Variants in HSP90AA1 observed in about 807,000 individuals in gnomAD.
The protein encoded by HSP90AA1 is heat shock protein 90 alpha family class A member 1, also known as heat shock protein HSP 90-alpha.
In HSP90AA1, 18 loss-of-function variants were observed where a neutral mutation model predicts 73.3. The ratio of observed to expected loss-of-function variants is 0.25; its 90% CI spans 0.17 to 0.36. HSP90AA1 has a LOEUF of 0.36. Among genes scored for constraint, HSP90AA1 ranks in the 10% least tolerant of loss-of-function variants. The probability of loss-of-function intolerance (pLI) is 1.00; values close to 1 mark genes in which losing one functional copy is unlikely to be tolerated. For missense variants in HSP90AA1, 704 were observed against 874.2 expected (o/e 0.81, Z 2.45); for synonymous variants, 477 against 296.9 (o/e 1.61, Z -6.24).
intron 1 of HSP90AA1, among the ~76,000 whole-genome samples, chr14:102,135,487 C>T (rs2049977938): frequency 6.6e-6 from 1 of 152,284 alleles, no homozygotes; most frequent in Non-Finnish European, 1.5e-5. Context: ...GTGGAGCTGC[C>T]TGCCAGTCCT....
chr14:102,084,013 G>GTCAT, intron 6 of HSP90AA1, 30 bp from the exon 7 acceptor site: 1 of 1,533,192 alleles, frequency 6.5e-7, no homozygotes, highest in Non-Finnish European at 9.0e-7. Flanking sequence ...AATGCACTGA[G>GTCAT]TCATTCCAAG....
chr14:102,114,725 G>T lies in HSP90AA1; in HGVS notation c.156-12640C>A, dbSNP rs187749482. Among the ~76,000 whole-genome samples the T allele has an allele frequency of 7.2e-5, 11 of 152,170 alleles. No homozygotes were observed. The East Asian group carries it at 2.1e-3, about 29-fold the overall frequency. ...GTATAGAAATTCTTTGTTTTAGGCC[G>T]GACCCGGTTGCTGACTGTAATCCCG... is the stretch of plus-strand genomic sequence containing the variant. On this transcript the variant is annotated intron_variant, in intron 1 of 11. Transcript: ENST00000334701.
intron 1 of HSP90AA1, among the ~76,000 whole-genome samples, chr14:102,104,876 C>T (rs905960224): frequency 2.6e-5 from 4 of 151,694 alleles, no homozygotes; most frequent in Non-Finnish European, 4.4e-5. Context: ...TAATGACCTC[C>T]CATCTATCCA....
At chr14:102,086,563 G>C (rs921178002) in intron 1 of HSP90AA1, among the ~76,000 whole-genome samples, 185 bp from the exon 2 acceptor site, 1 of 152,076 alleles carries the variant, frequency 6.6e-6, no homozygotes, top group Non-Finnish European at 1.5e-5. Context: ...TACCACGAGC[G>C]TGTGCGCGCT....
chr14:102,091,100 C>T (rs2049352014), upstream of HSP90AA1, among the ~76,000 whole-genome samples: 1 of 152,184 alleles, frequency 6.6e-6, no homozygotes. Flanking sequence ...AGGTGATAGC[C>T]TACCCCATAG....
In HSP90AA1 at chr14:102,133,109, A is replaced by G. The variant is rs547844492; in HGVS notation, c.155+6141T>C. On this transcript the variant is annotated intron_variant, in intron 1 of 11. Transcript: ENST00000334701. ...AGCCTGGCCAACATGGTGAAACCCCATCTCTACTAAAAACACAAAAATTAG... is the reference window on the plus strand; with the variant it reads ...AGCCTGGCCAACATGGTGAAACCCCGTCTCTACTAAAAACACAAAAATTAG... Among the ~76,000 whole-genome samples the G allele has an allele frequency of 5.9e-5, 9 of 151,690 alleles. No homozygotes were observed. In the East Asian group the frequency reaches 1.4e-3, roughly 23 times the overall value.
chr14:102,131,921 A>G (rs1184996363), intron 1 of HSP90AA1, among the ~76,000 whole-genome samples: 1 of 152,206 alleles, frequency 6.6e-6, no homozygotes, highest in Admixed American at 6.5e-5. Flanking sequence ...ACAACAATGT[A>G]GCATATGTAG....
chr14:102,126,987 C>T (rs1306328736), intron 1 of HSP90AA1, among the ~76,000 whole-genome samples: 3 of 151,798 alleles, frequency 2.0e-5, no homozygotes, highest in Admixed American at 1.3e-4. Context: ...TTACTGGCTG[C>T]TTCTCAAAAG....
At chr14:102,089,190 G>A (rs964564006), upstream of HSP90AA1, among the ~76,000 whole-genome samples, 2 of 152,118 alleles carry the variant, frequency 1.3e-5, no homozygotes, top group African/African-American at 4.8e-5. Flanking sequence ...CAAAGTGCTG[G>A]GATTACAGGC....
chr14:102,086,562 C>T (rs1424026226), intron 1 of HSP90AA1, among the ~76,000 whole-genome samples, 184 bp from the exon 2 acceptor site: 4 of 152,064 alleles, frequency 2.6e-5, no homozygotes, highest in Non-Finnish European at 5.9e-5. Flanking sequence ...CTACCACGAG[C>T]GTGTGCGCGC....
intron 1 of HSP90AA1, among the ~76,000 whole-genome samples, chr14:102,127,568 G>T (rs148092336): frequency 1.3e-3 from 202 of 152,252 alleles, no homozygotes; most frequent in African/African-American, 4.8e-3. Context: ...ATTTATTTGA[G>T]GGGGTAGGAG....
At position 102,106,027 on chromosome 14, in the gene HSP90AA1, G is replaced by T. The variant is rs573267323; in HGVS notation, c.156-3942C>A. ...TGAGGCTGAGGTTGCAGTGAGCCAA[G>T]ATGGTGCCACTGCACTCTAGCCTGG... On this transcript the variant is annotated intron_variant, in intron 1 of 11. Coordinates refer to the HSP90AA1 transcript ENST00000334701. 5.3e-5 allele frequency among the ~76,000 whole-genome samples: 8 copies of T among 152,182 alleles called. No homozygotes were observed. In the South Asian group the frequency reaches 1.7e-3, roughly 32 times the overall value.
chr14:102,107,526 C>T (rs1037177154), intron 1 of HSP90AA1, among the ~76,000 whole-genome samples: 21 of 151,950 alleles, frequency 1.4e-4, no homozygotes, highest in African/African-American at 4.6e-4. Context: ...GGTTTCACCA[C>T]GTTGGCCAGG....
upstream of HSP90AA1, among the ~76,000 whole-genome samples, chr14:102,087,434 G>C (rs1259362071): frequency 5.9e-5 from 9 of 151,762 alleles, no homozygotes; most frequent in Admixed American, 5.9e-4. Flanking sequence ...CCTTTGAAGT[G>C]AGGTGTAGTT....
At chr14:102,126,860 T>A (rs2049846109) in intron 1 of HSP90AA1, among the ~76,000 whole-genome samples, 1 of 152,160 alleles carries the variant, frequency 6.6e-6, no homozygotes, top group South Asian at 2.1e-4. Flanking sequence ...AAACTGTGTT[T>A]TTGTTTTCCC....
upstream of HSP90AA1, among the ~76,000 whole-genome samples, chr14:102,087,746 G>A (rs1434059730): frequency 6.6e-5 from 10 of 152,084 alleles, no homozygotes; most frequent in Admixed American, 6.5e-4. Context: ...CTACTTTTGG[G>A]TTCCCCGAAA....
rs1440021247 is a variant in HSP90AA1 at position 102,086,989 on chromosome 14, G to A, written c.-4C>T. The A allele has an allele frequency of 1.2e-5, 12 of 984,886 alleles. No homozygotes were observed. In the African/African-American group the frequency reaches 1.8e-4, roughly 14 times the overall value. The allele number at this position is 984,886 out of a possible 1,614,324, so 61.0% of individuals were successfully genotyped here. A position where few individuals can be genotyped will look rare whatever the true frequency, so the allele number is the denominator to read the frequency against. ...GGCCCCCACAACCACCCGTCACCTT[G>A]GCTAAGTGACCGCACAGGACCAACG... On this transcript the variant is annotated 5_prime_UTR_variant, in exon 1 of 11. Transcript: ENST00000216281.
chr14:102,132,384 A>G (rs571030148), intron 1 of HSP90AA1, among the ~76,000 whole-genome samples: 6 of 151,936 alleles, frequency 3.9e-5, no homozygotes, highest in African/African-American at 1.4e-4. Flanking sequence ...TAAATAAGTA[A>G]ATAAAAATAA....
At chr14:102,118,969 C>T (rs1006284436) in intron 1 of HSP90AA1, among the ~76,000 whole-genome samples, 3 of 151,612 alleles carry the variant, frequency 2.0e-5, no homozygotes, top group African/African-American at 7.3e-5. Context: ...ATTCTCCCAC[C>T]TCAGCCCCCC....
Sources: allele counts gnomAD v4.1 joint callset (sites outside exome capture counted in the v4.1 genomes callset), GRCh38; gene constraint gnomAD v4.1.1; transcripts MANE v1.5; gene names NCBI Gene and HGNC (gene_info 2026-07-23, HGNC 2026-07-21).